The following ANKRD2 variants were observed in gnomAD, a reference collection of about 807,000 sequenced individuals.
The protein encoded by ANKRD2 is ankyrin repeat domain-containing protein 2.
A neutral mutation model predicts 37.3 loss-of-function variants in ANKRD2; 35 were observed. The observed-to-expected ratio is 0.94, with a 90% CI of 0.72 to 1.24. The LOEUF is 1.24. Among genes scored for constraint, ANKRD2 ranks in the 50% most tolerant of loss-of-function variants. The probability of loss-of-function intolerance (pLI) is 0.00; values close to 1 mark genes in which losing one functional copy is unlikely to be tolerated. For missense variants in ANKRD2, 410 were observed against 445.6 expected (o/e 0.92, Z 0.72); for synonymous variants, 159 against 186.5 (o/e 0.85, Z 1.20).
intron 1 of ANKRD2, among the ~76,000 whole-genome samples, chr10:97,576,688 ATTTATTTATT>A (rs1372574018): frequency 1.3e-5 from 2 of 148,856 alleles, no homozygotes; most frequent in African/African-American, 4.9e-5. Context: ...TTATTTATTT[ATTTATTTATT>A]TATTTATTTA....
chr10:97,581,165 T>C, intron 5 of ANKRD2, 151 bp from the exon 6 acceptor site: 1 of 829,976 alleles, frequency 1.2e-6, no homozygotes, highest in Non-Finnish European at 1.9e-6. Flanking sequence ...CCCTGAGTGT[T>C]CTTCTGTTCC....
chr10:97,582,572 A>G (rs2040913332), intron 7 of ANKRD2, 32 bp from the exon 8 acceptor site: 1 of 1,605,898 alleles, frequency 6.2e-7, no homozygotes, highest in Non-Finnish European at 8.5e-7. Flanking sequence ...CACTGCCCAC[A>G]AGGGCCATAG....
At chr10:97,577,152 G>A (rs951579369) in intron 1 of ANKRD2, among the ~76,000 whole-genome samples, 2 of 151,848 alleles carry the variant, frequency 1.3e-5, no homozygotes, top group African/African-American at 4.8e-5. Flanking sequence ...TACAACAAAA[G>A]CCACTACGCT....
intron 8 of ANKRD2, 32 bp from the exon 9 acceptor site, chr10:97,583,544 C>T: frequency 1.3e-6 from 2 of 1,545,962 alleles, no homozygotes; most frequent in Non-Finnish European, 8.7e-7. Flanking sequence ...TTTTCTCTTG[C>T]CAACCCCCAC....
chr10:97,572,458 A>G, upstream of ANKRD2: 1 of 519,262 alleles, frequency 1.9e-6, no homozygotes, highest in Non-Finnish European at 3.4e-6. Context: ...GCATGCAGCC[A>G]GCAGTTCCCT....
chr10:97,582,216 G>A, intron 6 of ANKRD2, 99 bp from the exon 7 acceptor site: 1 of 989,302 alleles, frequency 1.0e-6, no homozygotes, highest in Non-Finnish European at 1.5e-6. Context: ...ACTAGGACTT[G>A]GAAGAGGGAT....
Position 97,577,794 on chromosome 10 carries a change from C to T in ANKRD2, c.88-6C>T. The T allele has an allele frequency of 1.9e-6, 3 of 1,553,106 alleles. No individual in the cohort carries two copies. The highest frequency in any genetic ancestry group is 1.9e-4 in the Middle Eastern group (1 of 5,396). ...CCTGGAGAAGGTGCCCTCTTTGGAT[C>T]ACCAGAAACTCCGAGGAGACGCACG... On this transcript the variant is annotated splice_polypyrimidine_tract_variant and splice_region_variant and intron_variant, in intron 1 of 8. Coordinates refer to ENST00000370655, the MANE Select transcript of ANKRD2 (RefSeq NM_001346793.2).
intron 5 of ANKRD2, 152 bp downstream of exon 5, chr10:97,581,105 C>T (rs2040892559): frequency 2.5e-6 from 2 of 816,146 alleles, no homozygotes; most frequent in Non-Finnish European, 3.9e-6. Context: ...TTGAGTAAGC[C>T]CCTTCTCCTC....
upstream of ANKRD2, chr10:97,572,712 C>T: frequency 1.2e-6 from 2 of 1,603,676 alleles, no homozygotes; most frequent in Admixed American, 1.7e-5. Flanking sequence ...GAGCTCATGG[C>T]AAAGGCGCCC....
Position 97,582,323 on chromosome 10 carries a change from C to T in ANKRD2, c.663C>T (p.Ser221=). The T allele has an allele frequency of 6.4e-7, 1 of 1,555,318 alleles. No individual in the cohort carries two copies. The highest frequency in any genetic ancestry group is 8.7e-7 in the Non-Finnish European group (1 of 1,148,852). Residue 221 remains serine, a synonymous_variant, in exon 7 of 9, where the codon AGC becomes AGT. Coordinates refer to ENST00000370655, the MANE Select transcript of ANKRD2 (RefSeq NM_001346793.2). ...ADTNVRDKLL[S]TPLHVAVRTG... The stretch of plus-strand genomic sequence containing the variant: ...TGATTCCTCCCACCCAGCTGCTGAG[C>T]ACCCCGCTGCACGTGGCAGTCCGGA...
At chr10:97,580,342 G>A (rs2040882064) in intron 4 of ANKRD2, among the ~76,000 whole-genome samples, 1 of 152,188 alleles carries the variant, frequency 6.6e-6, no homozygotes, top group African/African-American at 2.4e-5. Context: ...AGGCAGAAAG[G>A]AGAAGGGGAA....
chr10:97,572,512 T>C, upstream of ANKRD2: 1 of 624,940 alleles, frequency 1.6e-6, no homozygotes, highest in Non-Finnish European at 2.7e-6. Flanking sequence ...CAGTCCCAAG[T>C]GCTCAGGACA....
chr10:97,575,772 G>A (rs960958297), intron 1 of ANKRD2, among the ~76,000 whole-genome samples: 10 of 152,252 alleles, frequency 6.6e-5, no homozygotes, highest in East Asian at 1.9e-4. Flanking sequence ...TTAGCCAGGC[G>A]TGGCGGCATG....
rs755142422 is a variant in ANKRD2, at chr10:97,583,626, G to A, written c.903G>A (p.Arg301=). The change falls in exon 9 of 9, where the codon CGG becomes CGA. Residue 301 remains arginine (R), a synonymous_variant. Transcript: ENST00000370655. ...TGCAGCTCTGGCAGGCTGATACCCGGCACGCCCTGGAGCATCCTGAGCCGG... is the reference window on the plus strand; with the variant it reads ...TGCAGCTCTGGCAGGCTGATACCCGACACGCCCTGGAGCATCCTGAGCCGG... ...DLVQLWQADT[R]HALEHPEPGA... 6.2e-7 allele frequency: 1 copy of A among 1,605,434 alleles called. No homozygotes were observed.
chr10:97,576,852 A>G (rs2040832937), intron 1 of ANKRD2, among the ~76,000 whole-genome samples: 2 of 151,690 alleles, frequency 1.3e-5, no homozygotes, highest in African/African-American at 4.8e-5. Flanking sequence ...GCGTGCCAAC[A>G]CGCCTGGCTA....
At chr10:97,579,982 G>A (rs2040876809) in intron 4 of ANKRD2, among the ~76,000 whole-genome samples, 1 of 151,990 alleles carries the variant, frequency 6.6e-6, no homozygotes, top group African/African-American at 2.4e-5. Flanking sequence ...CACTTCCCGG[G>A]GTGCTTTCTT....
rs2040894901 is a variant in ANKRD2, at chr10:97,581,300, C to T, written c.556-16C>T. On this transcript the variant is annotated splice_polypyrimidine_tract_variant and intron_variant, in intron 5 of 8. Coordinates refer to ENST00000370655, the MANE Select transcript of ANKRD2 (RefSeq NM_001346793.2). ...TCCCTGCAGCTCTGTAGTTAGACCC[C>T]CTCATTTCTTTCTAGCTGGACTGCA... 3 of 1,612,302 alleles carry T rather than the reference C, an allele frequency of 1.9e-6. No individual in the cohort carries two copies. Among genetic ancestry groups the T allele is most frequent in the African/African-American group, 1.3e-5 (1 of 74,990 alleles).
rs774913027 is a variant in ANKRD2, at chr10:97,577,814, C to T, written c.102C>T (p.Asp34=). The T allele has an allele frequency of 3.2e-6, 5 of 1,565,030 alleles. No homozygotes were observed. In the South Asian group the frequency reaches 4.7e-5, roughly 15 times the overall value. ...QEEENEKLRG[D]ARQKLPMDLL... ...TGGATCACCAGAAACTCCGAGGAGA[C>T]GCACGCCAGAAGCTGCCCATGGACT... Residue 34 remains aspartate (D), a synonymous_variant, in exon 2 of 9, where the codon GAC becomes GAT. Transcript: ENST00000370655.
chr10:97,582,473 C>T (rs2040911571), intron 7 of ANKRD2, 60 bp downstream of exon 7: 2 of 1,591,816 alleles, frequency 1.3e-6, no homozygotes, highest in Non-Finnish European at 1.7e-6. Context: ...CTGCGGGCCC[C>T]TACAGGTGGT....
Sources: gnomAD v4.1 joint callset for allele counts (sites outside exome capture counted in the v4.1 genomes callset) on GRCh38, gnomAD v4.1.1 for gene constraint, MANE v1.5 for transcripts, NCBI Gene and HGNC (gene_info 2026-07-23, HGNC 2026-07-21) for gene names.